The following ZMAT4 variants were observed in gnomAD, a reference collection of about 807,000 sequenced individuals.
The protein encoded by ZMAT4 is zinc finger matrin-type protein 4.
Under a neutral mutation model 28.7 loss-of-function variants are expected in ZMAT4, and 17 were observed. The observed-to-expected ratio is 0.59, with a 90% CI of 0.41 to 0.89. The LOEUF is 0.89. ZMAT4 is among the 40% of genes least tolerant of loss of function. ZMAT4 has a pLI of 0.00. For synonymous variants in ZMAT4, 117 were observed against 109.2 expected (o/e 1.07, Z -0.44); for missense variants, 240 against 283.8 (o/e 0.85, Z 1.11).
chr8:40,691,769 T>A (rs1809675408), intron 4 of ZMAT4, among the ~76,000 whole-genome samples: 1 of 152,208 alleles, frequency 6.6e-6, no homozygotes, highest in Non-Finnish European at 1.5e-5. Context: ...CTGTAATGTG[T>A]TTCCGTCACT....
At chr8:40,884,101 T>C (rs775699909) in intron 1 of ZMAT4, among the ~76,000 whole-genome samples, 20 of 152,130 alleles carry the variant, frequency 1.3e-4, no homozygotes, top group African/African-American at 4.3e-4. Context: ...TGGACTGAGG[T>C]CCTCGCTGTC....
At chr8:40,589,757 T>TTTCTTTCTTTCTTTCTTTCTTTCC (rs1804803369) in intron 5 of ZMAT4, among the ~76,000 whole-genome samples, 1 of 148,358 alleles carries the variant, frequency 6.7e-6, no homozygotes, top group Non-Finnish European at 1.5e-5. Context: ...TCTTTCTTTC[T>TTTCTTTCTTTCTTTCTTTCTTTCC]TTCTTTTTCT....
At chr8:40,581,094 G>A (rs1804448989) in intron 6 of ZMAT4, 71 bp downstream of exon 6, 1 of 1,237,340 alleles carries the variant, frequency 8.1e-7, no homozygotes, top group South Asian at 1.3e-5. Context: ...TAGATGAAAT[G>A]TTGAGCCTTT....
chr8:40,772,735 A>T (rs1813432041), intron 2 of ZMAT4, among the ~76,000 whole-genome samples: 1 of 152,204 alleles, frequency 6.6e-6, no homozygotes, highest in Admixed American at 6.5e-5. Context: ...CATCAGAAGG[A>T]TCTAATTATA....
At position 40,878,530 on chromosome 8, in the gene ZMAT4, T is replaced by C. The variant is rs1035363299; in HGVS notation, c.-5+19153A>G. On this transcript the variant is annotated intron_variant, in intron 1 of 6. Transcript: ENST00000297737. ...GTCCAACTTAGAAAAATGGGTTCACTCCACACAGGCCAAGGCCTCTATTTT... is the reference window on the plus strand; with the variant it reads ...GTCCAACTTAGAAAAATGGGTTCACCCCACACAGGCCAAGGCCTCTATTTT... 2.0e-5 allele frequency among the ~76,000 whole-genome samples: 3 copies of C among 152,190 alleles called. No homozygotes were observed. The South Asian group carries it at 6.2e-4, about 32-fold the overall frequency.
At chr8:40,717,788 A>C (rs958604661) in intron 3 of ZMAT4, among the ~76,000 whole-genome samples, 5 of 152,086 alleles carry the variant, frequency 3.3e-5, no homozygotes, top group African/African-American at 9.7e-5. Context: ...GTCAATAGGA[A>C]CCTACTTTAC....
At chr8:40,870,702 C>G (rs752153281) in intron 1 of ZMAT4, among the ~76,000 whole-genome samples, 4 of 152,184 alleles carry the variant, frequency 2.6e-5, no homozygotes, top group Non-Finnish European at 5.9e-5. Flanking sequence ...CTTCAAACAC[C>G]AGGCACATGA....
At chr8:40,873,244 C>T (rs1261435997) in intron 1 of ZMAT4, among the ~76,000 whole-genome samples, 3 of 152,174 alleles carry the variant, frequency 2.0e-5, no homozygotes, top group African/African-American at 4.8e-5. Context: ...AAAGATAATG[C>T]TAATGTTGCT....
At chr8:40,787,849 T>C (rs1361990154) in intron 2 of ZMAT4, among the ~76,000 whole-genome samples, 1 of 152,198 alleles carries the variant, frequency 6.6e-6, no homozygotes, top group Non-Finnish European at 1.5e-5. Flanking sequence ...ACTTAAACCT[T>C]ATGAATTGTT....
chr8:40,683,141 C>G (rs546325127), intron 4 of ZMAT4, among the ~76,000 whole-genome samples: 38 of 152,248 alleles, frequency 2.5e-4, no homozygotes, highest in African/African-American at 9.1e-4. Flanking sequence ...ATGAAGGGAG[C>G]AGCTTATTCT....
At chr8:40,771,639 G>A (rs557965079) in intron 2 of ZMAT4, among the ~76,000 whole-genome samples, 42 of 152,296 alleles carry the variant, frequency 2.8e-4, no homozygotes, top group African/African-American at 8.4e-4. Flanking sequence ...CTTGGTATTA[G>A]ATGAGCCTTC....
intron 5 of ZMAT4, 130 bp from the exon 6 acceptor site, chr8:40,581,391 C>A (rs1001654947): frequency 3.7e-5 from 24 of 650,144 alleles, no homozygotes; most frequent in Non-Finnish European, 5.4e-5. Context: ...AACACTTCAA[C>A]CCTTCCTTGC....
In ZMAT4 at chr8:40,833,540, C is replaced by CAAAAAAAA. The variant is rs57458575; in HGVS notation, c.-4-7868_-4-7861dup. Among the ~76,000 whole-genome samples, 51 of 87,060 alleles carry CAAAAAAAA rather than the reference C, an allele frequency of 5.9e-4. 1 individual carries two copies. Among genetic ancestry groups the CAAAAAAAA allele is most frequent in the African/African-American group, 1.7e-3 (42 of 24,088 alleles). 57.1% of individuals were successfully genotyped at this position (87,060 alleles called of 152,430 possible). ...CCGAGATCATACCACTACACTCCAG[C>CAAAAAAAA]AAAAAAAAAAAAAAAAAAGACATGA... is the stretch of plus-strand genomic sequence containing the variant. On this transcript the variant is annotated intron_variant, in intron 1 of 6. Coordinates refer to ENST00000297737, the MANE Select transcript of ZMAT4 (RefSeq NM_024645.3).
chr8:40,703,312 G>A (rs771985932), intron 3 of ZMAT4, among the ~76,000 whole-genome samples: 8 of 152,108 alleles, frequency 5.3e-5, no homozygotes, highest in Non-Finnish European at 4.4e-5. Flanking sequence ...AGCCCAAAGT[G>A]GAAACAGCCC....
At chr8:40,589,430 C>T (rs1462447437) in intron 5 of ZMAT4, among the ~76,000 whole-genome samples, 1 of 152,160 alleles carries the variant, frequency 6.6e-6, no homozygotes, top group Non-Finnish European at 1.5e-5. Flanking sequence ...GTCTGGTATT[C>T]TCATATCTGC....
intron 5 of ZMAT4, among the ~76,000 whole-genome samples, chr8:40,646,201 G>A (rs1807305919): frequency 6.6e-6 from 1 of 151,416 alleles, no homozygotes. Flanking sequence ...ATTAAATTTA[G>A]GATTTCCATT....
At chr8:40,793,072 G>C (rs533234501) in intron 2 of ZMAT4, among the ~76,000 whole-genome samples, 1 of 152,198 alleles carries the variant, frequency 6.6e-6, no homozygotes, top group South Asian at 2.1e-4. Context: ...CACAAAGAGT[G>C]AGCCCTGAGC....
intron 3 of ZMAT4, among the ~76,000 whole-genome samples, chr8:40,737,522 A>AG (rs1811821062): frequency 6.6e-6 from 1 of 152,220 alleles, no homozygotes; most frequent in Non-Finnish European, 1.5e-5. Flanking sequence ...TACTTGAATA[A>AG]TTGTTGGTAT....
chr8:40,811,354 AC>A (rs1420140180), intron 2 of ZMAT4, among the ~76,000 whole-genome samples: 8 of 152,206 alleles, frequency 5.3e-5, no homozygotes, highest in Non-Finnish European at 1.2e-4. Flanking sequence ...GAAAGGGGAT[AC>A]ATGATCTGTG....
Sources: allele counts gnomAD v4.1 joint callset (sites outside exome capture counted in the v4.1 genomes callset), GRCh38; gene constraint gnomAD v4.1.1; transcripts MANE v1.5; gene names NCBI Gene and HGNC (gene_info 2026-07-23, HGNC 2026-07-21).